The following MRPS22 variants were observed in gnomAD, a reference collection of about 807,000 sequenced individuals.
MRPS22 encodes mitochondrial ribosomal protein S22.
MRPS22 carries 30 observed loss-of-function variants against 44.0 expected under a neutral mutation model. The ratio of observed to expected loss-of-function variants is 0.68; its 90% CI spans 0.51 to 0.93. MRPS22 has a LOEUF of 0.93. MRPS22 is among the 40% of genes least tolerant of loss of function. The probability of loss-of-function intolerance (pLI) is 0.00; values close to 1 mark genes in which losing one functional copy is unlikely to be tolerated. For missense variants in MRPS22, 447 were observed against 447.8 expected (o/e 1.00, Z 0.02); for synonymous variants, 165 against 154.4 (o/e 1.07, Z -0.51).
intron 1 of MRPS22, chr3:139,344,547 A>G: frequency 1.6e-6 from 1 of 613,326 alleles, no homozygotes; most frequent in Non-Finnish European, 2.9e-6. Context: ...CACACAGGAG[A>G]GGCACTCAAA....
intron 6 of MRPS22, among the ~76,000 whole-genome samples, chr3:139,353,642 C>T (rs920780432): frequency 4.6e-5 from 7 of 152,148 alleles, no homozygotes; most frequent in African/African-American, 1.7e-4. Context: ...AGAATAAAAT[C>T]AGCCCATACT....
intron 7 of MRPS22, 91 bp from the exon 8 acceptor site, chr3:139,356,828 C>T (rs1212753006): frequency 1.1e-6 from 1 of 910,978 alleles, no homozygotes; most frequent in Non-Finnish European, 1.7e-6. Context: ...CTCTTTGCTA[C>T]TACAGAAATG....
At chr3:139,344,636 C>T in intron 1 of MRPS22, 1 of 679,574 alleles carries the variant, frequency 1.5e-6, no homozygotes. Context: ...AAGGAGAAAG[C>T]AAGAAGCTTC....
rs140566919 is a variant in MRPS22, at chr3:139,354,550, T to TC, written c.879-1127dup. On this transcript the variant is annotated intron_variant, in intron 6 of 7. Transcript: ENST00000680020. ...TTGTGATGAACATTTTTTATTTTTT[T>TC]CCCCCTGAAAAGCTTTATGATACAA... Among the ~76,000 whole-genome samples the TC allele has an allele frequency of 4.7e-3, 719 of 152,272 alleles. 4 individuals carry two copies. The highest frequency in any genetic ancestry group is 6.2e-3 in the Non-Finnish European group (422 of 68,030).
intron 1 of MRPS22, among the ~76,000 whole-genome samples, chr3:139,345,480 A>C (rs372574259): frequency 8.0e-6 from 1 of 124,516 alleles, no homozygotes. Context: ...AAATTGGGAT[A>C]ATCTTCGTGT....
At chr3:139,351,188 A>G (rs960428251) in intron 5 of MRPS22, 128 bp downstream of exon 5, 7 of 724,754 alleles carry the variant, frequency 9.7e-6, no homozygotes, top group Admixed American at 3.9e-5. Context: ...CTGAAAATCT[A>G]TTGAGTACAG....
chr3:139,350,093 ATTAT>A (rs772277807), intron 3 of MRPS22, 82 bp from the exon 4 acceptor site: 286 of 1,503,438 alleles, frequency 1.9e-4, no homozygotes, highest in Non-Finnish European at 2.4e-4. Context: ...TTGATTGCAA[ATTAT>A]TCTTATAATG....
At position 139,344,035 on chromosome 3, in the gene MRPS22, C is replaced by T. The variant is rs759892011; in HGVS notation, c.9C>T (p.Pro3=). 2 of 1,614,180 alleles carry T rather than the reference C, an allele frequency of 1.2e-6. No individual in the cohort carries two copies. The highest frequency in any genetic ancestry group is 2.2e-5 in the South Asian group (2 of 91,088). MA[P]LGTTVLLWSL... is the part of the protein sequence containing the mutation. ...AGTGGCTTCTGATAATCATGGCGCC[C>T]CTCGGAACAACTGTATTGCTGTGGA... is the stretch of plus-strand genomic sequence containing the variant. Residue 3 remains proline (P), a synonymous_variant, in exon 1 of 8, where the codon CCC becomes CCT. Coordinates refer to ENST00000680020, the MANE Select transcript of MRPS22 (RefSeq NM_020191.4).
intron 1 of MRPS22, among the ~76,000 whole-genome samples, chr3:139,346,614 G>T (rs982735536): frequency 3.9e-5 from 6 of 152,240 alleles, no homozygotes; most frequent in Non-Finnish European, 8.8e-5. Context: ...AACCATTACA[G>T]TTATTACATT....
rs1941174688 is a variant in MRPS22 at position 139,352,689 on chromosome 3, T to C, written c.775T>C (p.Tyr259His). Residue 259 changes from tyrosine to histidine, a missense_variant, in exon 6 of 8, where the codon TAT (tyrosine) becomes CAT (histidine). Coordinates refer to ENST00000680020, the MANE Select transcript of MRPS22 (RefSeq NM_020191.4). ...TYEDIDKRGK[Y>H]DLLRSTRYFG... is the part of the protein sequence containing the mutation. ...TGAAGATATAGATAAACGTGGAAAA[T>C]ATGACCTTTTACGTTCAACAAGATA... 15 of 1,613,650 alleles carry C rather than the reference T, an allele frequency of 9.3e-6. No homozygotes were observed. Among genetic ancestry groups the C allele is most frequent in the Non-Finnish European group, 1.3e-5 (15 of 1,179,608 alleles).
At chr3:139,350,359 G>T in intron 4 of MRPS22, 37 bp downstream of exon 4, 1 of 1,610,518 alleles carries the variant, frequency 6.2e-7, no homozygotes, top group Non-Finnish European at 8.5e-7. Context: ...AGAGCCAGTG[G>T]TGATGATTTA....
intron 1 of MRPS22, 111 bp downstream of exon 1, chr3:139,344,309 C>T (rs956473596): frequency 3.3e-6 from 4 of 1,194,708 alleles, no homozygotes; most frequent in Non-Finnish European, 3.6e-6. Context: ...CTAGCGCTTC[C>T]TCAGATTCAG....
chr3:139,353,813 T>G (rs1941195432), intron 6 of MRPS22, among the ~76,000 whole-genome samples: 1 of 152,212 alleles, frequency 6.6e-6, no homozygotes, highest in South Asian at 2.1e-4. Flanking sequence ...GATGCTCAAG[T>G]GACTTGTCTT....
intron 4 of MRPS22, 108 bp downstream of exon 4, chr3:139,350,430 CTTTTTTT>C (rs987039315): frequency 1.2e-6 from 1 of 854,604 alleles, no homozygotes; most frequent in Non-Finnish European, 1.6e-6. Flanking sequence ...GATAACTTGA[CTTTTTTT>C]TTTTTTTGAA....
chr3:139,344,220 C>G (rs377669784), intron 1 of MRPS22, 22 bp downstream of exon 1: 43 of 1,586,774 alleles, frequency 2.7e-5, no homozygotes, highest in Middle Eastern at 2.1e-4. Flanking sequence ...TCCGGACTTT[C>G]GCTGGGGCGT....
chr3:139,350,193 C>T lies in MRPS22; in HGVS notation c.519C>T (p.Val173=), dbSNP rs139990376. The T allele has an allele frequency of 3.4e-5, 55 of 1,613,892 alleles. No homozygotes were observed. In the African/African-American group the frequency reaches 4.4e-4, roughly 13 times the overall value. Residue 173 remains valine (V), a synonymous_variant, in exon 4 of 8, where the codon GTC becomes GTT. Coordinates refer to ENST00000680020, the MANE Select transcript of MRPS22 (RefSeq NM_020191.4). ...TTCTATTTTAGGAGCGTTTTATTGT[C>T]GTCAGAGAACCAAGTGGCACACTAC... ...YSIPHRERFI[V]VREPSGTLRK...
intron 5 of MRPS22, chr3:139,351,347 C>T (rs1941148442): frequency 2.4e-6 from 1 of 416,446 alleles, no homozygotes; most frequent in African/African-American, 2.0e-5. Context: ...AGCCTATTCT[C>T]TTTTCAGTTT....
Position 139,355,783 on chromosome 3 carries a change from T to A in MRPS22, c.980T>A (p.Leu327Ter). 2 of 1,613,398 alleles carry A rather than the reference T, an allele frequency of 1.2e-6. No homozygotes were observed. The highest frequency in any genetic ancestry group is 2.2e-5 in the South Asian group (2 of 91,056). Residue 327 changes from leucine to a stop codon, truncating the protein, a stop_gained, in exon 7 of 8, where the codon TTA becomes TAA. Transcript: ENST00000680020. LOFTEE classifies it high-confidence loss of function. Reference sequence around the variant, plus strand: ...GATCAGGCTGCTGAGGGAATAAATTTAATCAAGGTAAAGTTTTTTTTTCAT... The same window carrying A: ...GATCAGGCTGCTGAGGGAATAAATTAAATCAAGGTAAAGTTTTTTTTTCAT... ...AKDQAAEGIN[L>*]IKVFAKTEAQ...
intron 1 of MRPS22, among the ~76,000 whole-genome samples, chr3:139,344,405 C>T (rs1940998790): frequency 6.6e-6 from 1 of 152,216 alleles, no homozygotes; most frequent in Non-Finnish European, 1.5e-5. Flanking sequence ...GCCTGAGTTC[C>T]GCTCCGTGCA....
Sources: allele counts gnomAD v4.1 joint callset (sites outside exome capture counted in the v4.1 genomes callset), GRCh38; gene constraint gnomAD v4.1.1; transcripts MANE v1.5; gene names NCBI Gene and HGNC (gene_info 2026-07-23, HGNC 2026-07-21).